The following PCDHA6 variants were observed in gnomAD, a reference collection of about 807,000 sequenced individuals.
PCDHA6 encodes protocadherin alpha-6.
A neutral mutation model predicts 60.3 loss-of-function variants in PCDHA6; 55 were observed. The ratio of observed to expected loss-of-function variants is 0.91; its 90% CI spans 0.73 to 1.14. The LOEUF (loss-of-function observed/expected upper bound fraction) is 1.14, where lower values mean the gene tolerates loss of function less well. Among genes scored for constraint, PCDHA6 ranks in the 50% most tolerant of loss-of-function variants. PCDHA6 has a pLI of 0.00. For synonymous variants in PCDHA6, 652 were observed against 557.9 expected, an observed-to-expected ratio of 1.17 and a Z score of -2.38; for missense variants, 1,327 against 1,256.5, an observed-to-expected ratio of 1.06 and a Z score of -0.85.
At chr5:140,861,739 G>A (rs2047048069) in intron 1 of PCDHA6, 3 of 159,798 alleles carry the variant, frequency 1.9e-5, no homozygotes, top group Admixed American at 1.3e-4. Context: ...CTTACATACT[G>A]TGCCGCAATG....
At chr5:140,983,767 A>C (rs550605597) in intron 3 of PCDHA6, among the ~76,000 whole-genome samples, 23 of 152,326 alleles carry the variant, frequency 1.5e-4, no homozygotes, top group African/African-American at 5.3e-4. Context: ...TCAAATACAT[A>C]TCTACATACA....
Position 140,871,086 on chromosome 5 carries a change from G to C in PCDHA6, c.2394+40601G>C, listed in dbSNP as rs556097993. The C allele has an allele frequency of 1.9e-6, 3 of 1,613,256 alleles. No individual in the cohort carries two copies. In the South Asian group the frequency reaches 3.3e-5, roughly 18 times the overall value. ...ACGGTGAGCCGGCGCTGACGGCCAC[G>C]GCCACCGTGCTGGTGTCGTTGGTGG... On this transcript the variant is annotated intron_variant, in intron 1 of 3. Coordinates refer to ENST00000529310, the MANE Select transcript of PCDHA6 (RefSeq NM_018909.4).
chr5:140,918,321 T>C (rs1175303192), intron 1 of PCDHA6, among the ~76,000 whole-genome samples: 2 of 152,054 alleles, frequency 1.3e-5, no homozygotes, highest in Non-Finnish European at 2.9e-5. Flanking sequence ...GGTATAAAAT[T>C]ATATTGTCTG....
intron 1 of PCDHA6, among the ~76,000 whole-genome samples, chr5:140,948,814 A>G (rs1284322137): frequency 1.3e-5 from 2 of 151,134 alleles, no homozygotes; most frequent in African/African-American, 4.8e-5. Context: ...TTTGGTTTCT[A>G]TTTCATTAAT....
chr5:140,937,039 C>CTTTTT, intron 1 of PCDHA6, among the ~76,000 whole-genome samples: 1 of 140,166 alleles, frequency 7.1e-6, no homozygotes, highest in Non-Finnish European at 1.5e-5. Flanking sequence ...TTCCATTTAT[C>CTTTTT]TTTTTTTTTT....
At chr5:140,998,769 G>A (rs1210690974) in intron 3 of PCDHA6, among the ~76,000 whole-genome samples, 1 of 152,054 alleles carries the variant, frequency 6.6e-6, no homozygotes, top group Non-Finnish European at 1.5e-5. Flanking sequence ...TCACTATGTT[G>A]GTCAGGCTGG....
chr5:140,884,395 C>A, intron 1 of PCDHA6: 1 of 1,614,000 alleles, frequency 6.2e-7, no homozygotes, highest in Non-Finnish European at 8.5e-7. Flanking sequence ...CGGTGTCCAG[C>A]CTGTTGGTGC....
intron 1 of PCDHA6, chr5:140,842,813 C>T (rs2150188208): frequency 2.5e-6 from 4 of 1,593,972 alleles, no homozygotes; most frequent in Non-Finnish European, 3.4e-6. Flanking sequence ...TGTGGAGCGG[C>T]GGGTGGGCGA....
At chr5:140,843,397 G>T in intron 1 of PCDHA6, 1 of 1,596,068 alleles carries the variant, frequency 6.3e-7, no homozygotes, top group Non-Finnish European at 8.6e-7. Context: ...CGGAAGCGGC[G>T]CTGGTGGATG....
Position 141,009,632 on chromosome 5 carries a change from G to A in PCDHA6, c.2548G>A (p.Glu850Lys). 1 of 1,613,032 alleles carries A rather than the reference G, an allele frequency of 6.2e-7. No individual in the cohort carries two copies. Among genetic ancestry groups the A allele is most frequent in the Non-Finnish European group, 8.5e-7 (1 of 1,179,354 alleles). The change falls in exon 4 of 4, where the codon GAG (glutamate) becomes AAG (lysine). Residue 850 changes from glutamate to lysine, a missense_variant. Transcript: ENST00000529310. The stretch of plus-strand genomic sequence containing the variant: ...TGTAATGTTTTGTCTTTCAGAACCA[G>A]AGGCAGGAGAAGTGTCCCCTCCAGT... ...PTVSSATPEP[E>K]AGEVSPPVGA...
At chr5:140,918,279 G>A (rs1554198513) in intron 1 of PCDHA6, among the ~76,000 whole-genome samples, 1 of 152,078 alleles carries the variant, frequency 6.6e-6, no homozygotes, top group African/African-American at 2.4e-5. Context: ...TCAGATGTAG[G>A]AGCTTTTTGG....
chr5:140,954,390 C>A (rs2095030202), intron 1 of PCDHA6, among the ~76,000 whole-genome samples: 1 of 152,204 alleles, frequency 6.6e-6, no homozygotes, highest in South Asian at 2.1e-4. Context: ...AACTAATTTA[C>A]AACCCCACCA....
intron 3 of PCDHA6, among the ~76,000 whole-genome samples, chr5:140,990,165 G>A (rs2097378132): frequency 6.6e-6 from 1 of 152,126 alleles, no homozygotes; most frequent in African/African-American, 2.4e-5. Flanking sequence ...GTTAGGGTAT[G>A]AAAAGGTGAC....
intron 1 of PCDHA6, chr5:140,842,054 T>A (rs1461509081): frequency 6.2e-7 from 1 of 1,613,638 alleles, no homozygotes; most frequent in Non-Finnish European, 8.5e-7. Context: ...TTTCGAACAG[T>A]CTGAATACGA....
rs781883995 is a variant in PCDHA6, at chr5:140,876,273, C to A, written c.2394+45788C>A. Reference sequence around the variant, plus strand: ...CAAGAGTGATCCAACTAAATGCTTCCGATCCAGACGAAGGACTTAATGGAG... The same window carrying A: ...CAAGAGTGATCCAACTAAATGCTTCAGATCCAGACGAAGGACTTAATGGAG... On this transcript the variant is annotated intron_variant, in intron 1 of 3. Coordinates refer to ENST00000529310, the MANE Select transcript of PCDHA6 (RefSeq NM_018909.4). 6.8e-6 allele frequency: 11 copies of A among 1,613,984 alleles called. No individual in the cohort carries two copies. The South Asian group carries it at 1.2e-4, about 18-fold the overall frequency.
intron 1 of PCDHA6, chr5:140,927,118 G>T (rs2083863389): frequency 6.2e-7 from 1 of 1,613,946 alleles, no homozygotes; most frequent in East Asian, 2.2e-5. Context: ...CGGCAATTTG[G>T]TGGTCAGAGA....
chr5:141,004,369 C>T (rs1239142670), intron 3 of PCDHA6, among the ~76,000 whole-genome samples: 1 of 152,324 alleles, frequency 6.6e-6, no homozygotes, highest in South Asian at 2.1e-4. Context: ...ACACCTTGTT[C>T]TGCTCTGCGG....
At chr5:140,836,535 T>C (rs2150263194) in intron 1 of PCDHA6, 26 of 1,613,710 alleles carry the variant, frequency 1.6e-5, no homozygotes, top group Non-Finnish European at 2.0e-5. Context: ...CCTGCTGCTG[T>C]ACACGGCGTT....
At chr5:140,873,752 C>T (rs2054472285) in intron 1 of PCDHA6, among the ~76,000 whole-genome samples, 1 of 152,154 alleles carries the variant, frequency 6.6e-6, no homozygotes, top group Non-Finnish European at 1.5e-5. Flanking sequence ...TCTCCACCTC[C>T]CATGTTCAAG....
Sources: gnomAD v4.1 joint callset for allele counts (sites outside exome capture counted in the v4.1 genomes callset) on GRCh38, gnomAD v4.1.1 for gene constraint, MANE v1.5 for transcripts, NCBI Gene and HGNC (gene_info 2026-07-23, HGNC 2026-07-21) for gene names.